Variants in ARMC9 observed in about 807,000 individuals in gnomAD.
The protein encoded by ARMC9 is lisH domain-containing protein ARMC9.
Under a neutral mutation model 107.0 loss-of-function variants are expected in ARMC9, and 94 were observed. That is an observed-to-expected ratio of 0.88 (90% CI 0.74 to 1.04). The LOEUF is 1.04. ARMC9 is among the 50% of genes least tolerant of loss of function. ARMC9 has a pLI of 0.00. For missense variants in ARMC9, 942 were observed against 1,030.1 expected, an observed-to-expected ratio of 0.91 and a Z score of 1.17; for synonymous variants, 380 against 396.9, an observed-to-expected ratio of 0.96 and a Z score of 0.51.
rs2045322658 is a variant in ARMC9 at position 231,355,836 on chromosome 2, A to G, written c.2033A>G (p.His678Arg). The G allele has an allele frequency of 1.3e-6, 2 of 1,535,962 alleles. No homozygotes were observed. The highest frequency in any genetic ancestry group is 2.4e-5 in the South Asian group (2 of 84,054). The change falls in exon 22 of 25, where the codon CAC becomes CGC. Residue 678 changes from histidine to arginine, a missense_variant. By Grantham distance (29) the His-to-Arg change is conservative. Coordinates refer to ENST00000611582, the MANE Select transcript of ARMC9 (RefSeq NM_001352754.2). ...CACACACCTCCCCAGACAGCCCAGCACGCCAGAAACGGCCACCCGCAGGCC... is the reference window on the plus strand; with the variant it reads ...CACACACCTCCCCAGACAGCCCAGCGCGCCAGAAACGGCCACCCGCAGGCC... Reference protein sequence around the residue: ...DQHTPPQTAQHARNGHPQALP... With the variant: ...DQHTPPQTAQRARNGHPQALP...
At chr2:231,356,466 G>A (rs913953710) in intron 22 of ARMC9, among the ~76,000 whole-genome samples, 1 of 152,118 alleles carries the variant, frequency 6.6e-6, no homozygotes, top group African/African-American at 2.4e-5. Flanking sequence ...AATGTACAAA[G>A]TATTTTTTTT....
chr2:231,244,429 C>T (rs919796531), intron 9 of ARMC9, among the ~76,000 whole-genome samples: 1 of 149,766 alleles, frequency 6.7e-6, no homozygotes, highest in Non-Finnish European at 1.5e-5. Flanking sequence ...TGCATTGGCA[C>T]GATCAGGGCC....
At chr2:231,321,966 A>G (rs2043021103) in intron 19 of ARMC9, among the ~76,000 whole-genome samples, 1 of 152,224 alleles carries the variant, frequency 6.6e-6, no homozygotes, top group Admixed American at 6.5e-5. Context: ...TGCTTAGAGT[A>G]CAGAAAAAGT....
intron 19 of ARMC9, among the ~76,000 whole-genome samples, chr2:231,329,113 G>A (rs943491028): frequency 1.2e-4 from 18 of 151,820 alleles, no homozygotes; most frequent in African/African-American, 3.6e-4. Flanking sequence ...GAGCCACCGC[G>A]CCCGGCCAAC....
intron 19 of ARMC9, among the ~76,000 whole-genome samples, chr2:231,313,291 C>T (rs1332133888): frequency 2.0e-5 from 3 of 152,228 alleles, no homozygotes; most frequent in Admixed American, 2.0e-4. Context: ...CACTTCAGCT[C>T]TCTCATGCTT....
chr2:231,217,237 C>A (rs528720938), intron 5 of ARMC9, among the ~76,000 whole-genome samples: 4 of 152,196 alleles, frequency 2.6e-5, no homozygotes, highest in African/African-American at 9.6e-5. Context: ...TTTGTATATA[C>A]ATCAAAGCAA....
chr2:231,228,062 G>C (rs966497251), intron 7 of ARMC9, among the ~76,000 whole-genome samples: 2 of 152,214 alleles, frequency 1.3e-5, no homozygotes, highest in Admixed American at 6.5e-5. Flanking sequence ...TGCATCCTCA[G>C]CTCTGCAGGC....
chr2:231,361,020 A>C, intron 23 of ARMC9, 137 bp downstream of exon 23: 1 of 1,347,492 alleles, frequency 7.4e-7, no homozygotes. Flanking sequence ...GCTAAGGAGC[A>C]GTGTCAAGAT....
intron 3 of ARMC9, 59 bp downstream of exon 3, chr2:231,208,311 A>G: frequency 1.5e-6 from 2 of 1,361,628 alleles, no homozygotes; most frequent in South Asian, 1.2e-5. Context: ...CAACTTGTGG[A>G]AAATGCTGCT....
intron 19 of ARMC9, among the ~76,000 whole-genome samples, chr2:231,330,428 T>C (rs2043650142): frequency 6.6e-6 from 1 of 151,830 alleles, no homozygotes; most frequent in Non-Finnish European, 1.5e-5. Context: ...GGGACGAGAG[T>C]GCCCCGTCAC....
intron 20 of ARMC9, among the ~76,000 whole-genome samples, chr2:231,333,339 A>G (rs578253804): frequency 6.6e-6 from 1 of 152,220 alleles, no homozygotes; most frequent in South Asian, 2.1e-4. Flanking sequence ...TATCCACTAC[A>G]TTTTCACTCT....
chr2:231,278,246 C>G, intron 15 of ARMC9, 136 bp from the exon 16 acceptor site: 1 of 778,060 alleles, frequency 1.3e-6, no homozygotes, highest in Non-Finnish European at 2.2e-6. Context: ...CATGACTCAC[C>G]CGAGGTCATA....
At chr2:231,325,758 AC>A (rs1175261211) in intron 19 of ARMC9, among the ~76,000 whole-genome samples, 1 of 152,168 alleles carries the variant, frequency 6.6e-6, no homozygotes, top group Non-Finnish European at 1.5e-5. Context: ...ATCTTCCGTA[AC>A]CGTCCCAGAG....
Position 231,278,361 on chromosome 2 carries a change from G to A in ARMC9, c.1475-21G>A, listed in dbSNP as rs372376424. Reference sequence around the variant, plus strand: ...TCTGGGTTTAGACATGTCATGTTTAGCTTTGATTTGTTTCCCATAGGGAAG... The same window carrying A: ...TCTGGGTTTAGACATGTCATGTTTAACTTTGATTTGTTTCCCATAGGGAAG... On this transcript the variant is annotated intron_variant, in intron 15 of 24. Transcript: ENST00000611582. 269 of 1,612,986 alleles carry A rather than the reference G, an allele frequency of 1.7e-4. 3 individuals are homozygous for A. The East Asian group carries it at 2.0e-3, about 12-fold the overall frequency.
chr2:231,333,788 G>A (rs1244300691), intron 20 of ARMC9, among the ~76,000 whole-genome samples: 6 of 152,214 alleles, frequency 3.9e-5, no homozygotes, highest in Non-Finnish European at 5.9e-5. Context: ...ACGCAGGCAC[G>A]TAAACATGAG....
intron 3 of ARMC9, among the ~76,000 whole-genome samples, chr2:231,209,626 C>T (rs969688456): frequency 2.4e-4 from 37 of 152,244 alleles, no homozygotes; most frequent in African/African-American, 8.9e-4. Context: ...ACCCCCGCCT[C>T]CTGGGTTCAA....
chr2:231,219,029 C>T (rs1389291776), intron 5 of ARMC9, among the ~76,000 whole-genome samples: 3 of 152,020 alleles, frequency 2.0e-5, no homozygotes, highest in African/African-American at 4.8e-5. Flanking sequence ...TAGGATTACA[C>T]GTATGAGCCA....
intron 17 of ARMC9, among the ~76,000 whole-genome samples, chr2:231,288,431 A>G (rs1230569757): frequency 6.6e-6 from 1 of 152,198 alleles, no homozygotes; most frequent in Admixed American, 6.5e-5. Context: ...CTAGAGGAAA[A>G]TATTTATATC....
intron 17 of ARMC9, among the ~76,000 whole-genome samples, chr2:231,283,091 G>A (rs2040334717): frequency 6.6e-6 from 1 of 152,052 alleles, no homozygotes; most frequent in African/African-American, 2.4e-5. Flanking sequence ...CTGAGGATGG[G>A]GCCATGTGAG....
Sources: gnomAD v4.1 joint callset for allele counts (sites outside exome capture counted in the v4.1 genomes callset) on GRCh38, gnomAD v4.1.1 for gene constraint, MANE v1.5 for transcripts, NCBI Gene and HGNC (gene_info 2026-07-23, HGNC 2026-07-21) for gene names.